The following RSF1 variants were observed in gnomAD, a reference collection of about 807,000 sequenced individuals.
RSF1 encodes the protein HBV pX-associated protein 8.
A neutral mutation model predicts 145.2 loss-of-function variants in RSF1; 13 were observed. The observed-to-expected ratio is 0.09, with a 90% CI of 0.06 to 0.14. The LOEUF is 0.14. Ranked by LOEUF, RSF1 falls within the 10% of genes least tolerant of loss-of-function variation. The pLI, the probability that RSF1 is intolerant of heterozygous loss-of-function variation, is 1.00. For missense variants in RSF1, 1,517 were observed against 1,718.2 expected (o/e 0.88, Z 2.07); for synonymous variants, 577 against 592.6 (o/e 0.97, Z 0.38).
intron 1 of RSF1, among the ~76,000 whole-genome samples, chr11:77,770,066 C>T (rs531679773): frequency 6.6e-6 from 1 of 152,228 alleles, no homozygotes; most frequent in East Asian, 1.9e-4. Context: ...ATTCATATAC[C>T]TTATCTTTAA....
At chr11:77,734,568 C>G in intron 4 of RSF1, 1 of 1,544,990 alleles carries the variant, frequency 6.5e-7, no homozygotes, top group Non-Finnish European at 8.8e-7. Context: ...GCAAGTTGGT[C>G]ACATGGTCAT....
rs1268080801 is a variant in RSF1, at chr11:77,678,210, TTAA to T, written c.3066-60_3066-58del. ...TGTCCTGGCTTTTTTTTTTTTTTTT[TTAA>T]TTATTTTTATTTATTTATTTTTGAG... On this transcript the variant is annotated intron_variant, in intron 11 of 15. Coordinates refer to ENST00000308488, the MANE Select transcript of RSF1 (RefSeq NM_016578.4). The T allele has an allele frequency of 1.4e-5, 9 of 620,770 alleles. No individual in the cohort carries two copies. The African/African-American group carries it at 2.1e-4, about 14-fold the overall frequency. The allele number at this position is 620,770 out of a possible 1,614,324, so 38.5% of individuals were successfully genotyped here.
At position 77,701,280 on chromosome 11, in the gene RSF1, C is replaced by T. The variant is rs1960415528; in HGVS notation, c.1949G>A (p.Cys650Tyr). ...GCCACCAACAGTACTTGTACTCTGG[C>T]ATTCTACCACTTCTTTTTCTGAGGC... ...KLASEKEVVE[C>Y]QSTSTVGGQS... The change falls in exon 6 of 16, where the codon TGC (cysteine) becomes TAC (tyrosine). Residue 650 changes from cysteine (C) to tyrosine (Y), a missense_variant. Physicochemically the swap from Cys to Tyr is radical, Grantham distance 194 (BLOSUM62 -2). Transcript: ENST00000308488. The T allele has an allele frequency of 1.2e-6, 2 of 1,613,986 alleles. No individual in the cohort carries two copies. Among genetic ancestry groups the T allele is most frequent in the African/African-American group, 2.7e-5 (2 of 74,902 alleles).
intron 4 of RSF1, 135 bp from the exon 5 acceptor site, chr11:77,725,834 C>T (rs1961041643): frequency 3.8e-6 from 2 of 531,092 alleles, no homozygotes; most frequent in South Asian, 5.8e-5. Flanking sequence ...TACAGCTAGC[C>T]CTAATTAACC....
the RSF1 span, among the ~76,000 whole-genome samples, chr11:77,849,228 T>G: frequency 6.6e-6 from 1 of 151,930 alleles, no homozygotes; most frequent in South Asian, 2.1e-4. Flanking sequence ...TTTTTATTTT[T>G]ATTATTTTTT....
chr11:77,820,397 C>G (rs963037122), intron 1 of RSF1, 131 bp downstream of exon 1: 4 of 975,822 alleles, frequency 4.1e-6, no homozygotes, highest in Non-Finnish European at 5.9e-6. Context: ...ACCAGCCCGG[C>G]GGAGTTGCGT....
chr11:77,868,130 A>T, the RSF1 span, among the ~76,000 whole-genome samples: 6 of 146,152 alleles, frequency 4.1e-5, no homozygotes, highest in Non-Finnish European at 8.9e-5. Context: ...ATCTTGGCTC[A>T]CTGCAAGCTC....
At chr11:77,717,775 T>A (rs1389683803) in intron 5 of RSF1, 1 of 152,244 alleles carries the variant, frequency 6.6e-6, no homozygotes, top group African/African-American at 2.4e-5. Context: ...TAAGTTCTTT[T>A]ATCTCCAGTC....
At chr11:77,869,312 CTT>C in the RSF1 span, 123 of 126,940 alleles carry the variant, frequency 9.7e-4, no homozygotes, top group South Asian at 3.0e-3. Context: ...ATCTCTTTTT[CTT>C]TTTTTTTTTT....
rs903905814 is a variant in RSF1, at chr11:77,724,270, T to C, written c.733+1275A>G. Among the ~76,000 whole-genome samples, 3 of 152,184 alleles carry C rather than the reference T, an allele frequency of 2.0e-5. No homozygotes were observed. In the South Asian group the frequency reaches 6.2e-4, roughly 31 times the overall value. On this transcript the variant is annotated intron_variant, in intron 5 of 15. Transcript: ENST00000308488. Reference sequence around the variant, plus strand: ...GGAAGCAACTAGAGTCCTTGGGCACTACTGGAAGGAATGTAAAATGATGCA... The same window carrying C: ...GGAAGCAACTAGAGTCCTTGGGCACCACTGGAAGGAATGTAAAATGATGCA...
In RSF1 at chr11:77,666,641, TTTG is replaced by T. The variant is rs1959369679; in HGVS notation, c.*273_*275del. 3.8e-6 allele frequency: 1 copy of T among 262,170 alleles called. No individual in the cohort carries two copies. Among genetic ancestry groups the T allele is most frequent in the Non-Finnish European group, 7.1e-6 (1 of 140,178 alleles). 16.2% of individuals were successfully genotyped at this position (262,170 alleles called of 1,614,324 possible). A position where few individuals can be genotyped will look rare whatever the true frequency, so the allele number is the denominator to read the frequency against. On this transcript the variant is annotated 3_prime_UTR_variant, in exon 16 of 16. Coordinates refer to ENST00000308488, the MANE Select transcript of RSF1 (RefSeq NM_016578.4). ...ATATAAAGTCAAAAATATACAAATC[TTTG>T]TTGTTATTATAATAAGATTTTTTTC...
intron 8 of RSF1, among the ~76,000 whole-genome samples, chr11:77,692,376 C>T (rs1157286467): frequency 8.3e-6 from 1 of 120,012 alleles, no homozygotes; most frequent in Non-Finnish European, 1.6e-5. Context: ...TCCCAAGTAG[C>T]TGGGACTACA....
intron 1 of RSF1, among the ~76,000 whole-genome samples, chr11:77,788,142 CAA>C (rs66595170): frequency 0.016 from 54 of 3,396 alleles, no homozygotes; most frequent in South Asian, 0.083. Context: ...GACACTATCT[CAA>C]AAAAAAAAAA....
In RSF1 at chr11:77,702,223, T is replaced by G; in HGVS notation, c.1006A>C (p.Thr336Pro). Residue 336 changes from threonine to proline, a missense_variant, in exon 6 of 16, where the codon ACC becomes CCC. Thr to Pro is a conservative substitution (Grantham distance 38). Transcript: ENST00000308488. Reference protein sequence around the residue: ...VKECRADPKDTKSSMEKPVAQ... With the variant: ...VKECRADPKDPKSSMEKPVAQ... ...ACTGGCTTCTCCATGCTACTTTTGGTATCTTTAGGATCTGCTCTACATTCC... is the reference window on the plus strand; with the variant it reads ...ACTGGCTTCTCCATGCTACTTTTGGGATCTTTAGGATCTGCTCTACATTCC... The G allele has an allele frequency of 6.2e-7, 1 of 1,613,978 alleles. No individual in the cohort carries two copies. The highest frequency in any genetic ancestry group is 8.5e-7 in the Non-Finnish European group (1 of 1,179,970).
At chr11:77,678,247 T>TAA in intron 11 of RSF1, 94 bp from the exon 12 acceptor site, 1 of 691,306 alleles carries the variant, frequency 1.4e-6, no homozygotes, top group Non-Finnish European at 2.1e-6. Context: ...AGACGGAGTC[T>TAA]CTCTTTGTTG....
chr11:77,793,798 C>A (rs1230941543), intron 1 of RSF1, among the ~76,000 whole-genome samples: 1 of 152,108 alleles, frequency 6.6e-6, no homozygotes, highest in African/African-American at 2.4e-5. Context: ...AGACAACCAT[C>A]CCCAATAGAG....
At chr11:77,847,536 AAAG>A in the RSF1 span, among the ~76,000 whole-genome samples, 1 of 152,190 alleles carries the variant, frequency 6.6e-6, no homozygotes, top group African/African-American at 2.4e-5. Context: ...AGATTGGTAA[AAAG>A]AATAGGAGGG....
At chr11:77,823,900 T>C (rs868101331), upstream of RSF1, among the ~76,000 whole-genome samples, 1 of 151,952 alleles carries the variant, frequency 6.6e-6, no homozygotes, top group East Asian at 1.9e-4. Flanking sequence ...TCCAGTGAGG[T>C]TGTGAAATAA....
At chr11:77,746,302 T>C (rs1296502710) in intron 3 of RSF1, among the ~76,000 whole-genome samples, 2 of 152,170 alleles carry the variant, frequency 1.3e-5, no homozygotes, top group African/African-American at 4.8e-5. Flanking sequence ...AAGACTTCTG[T>C]GTAGGCTCCA....
Sources: allele counts gnomAD v4.1 joint callset (sites outside exome capture counted in the v4.1 genomes callset), GRCh38; gene constraint gnomAD v4.1.1; transcripts MANE v1.5; gene names NCBI Gene and HGNC (gene_info 2026-07-23, HGNC 2026-07-21).